The following GALNT18 variants were observed in gnomAD, a reference collection of about 807,000 sequenced individuals.
GALNT18 encodes GalNAc-transferase 18.
GALNT18 carries 44 observed loss-of-function variants against 69.5 expected under a neutral mutation model. That is an observed-to-expected ratio of 0.63 (90% CI 0.50 to 0.81). The LOEUF (loss-of-function observed/expected upper bound fraction) is 0.81, where lower values mean the gene tolerates loss of function less well. Ranked by LOEUF, GALNT18 falls within the 40% of genes least tolerant of loss-of-function variation. The pLI is 0.00. For synonymous variants in GALNT18, 364 were observed against 318.2 expected, an observed-to-expected ratio of 1.14 and a Z score of -1.53; for missense variants, 715 against 810.0, an observed-to-expected ratio of 0.88 and a Z score of 1.42.
chr11:11,559,493 T>A (rs753888865), intron 1 of GALNT18, among the ~76,000 whole-genome samples: 2 of 152,182 alleles, frequency 1.3e-5, no homozygotes, highest in Non-Finnish European at 2.9e-5. Flanking sequence ...TACAATCTCA[T>A]GAGTGTTTAA....
At chr11:11,565,565 C>T (rs1858628291) in intron 1 of GALNT18, among the ~76,000 whole-genome samples, 1 of 152,132 alleles carries the variant, frequency 6.6e-6, no homozygotes. Flanking sequence ...CAAGATGGTC[C>T]TAAGAATAGG....
At chr11:11,278,506 AGTAT>A (rs1848996611) in intron 10 of GALNT18, among the ~76,000 whole-genome samples, 1 of 151,912 alleles carries the variant, frequency 6.6e-6, no homozygotes, top group African/African-American at 2.4e-5. Flanking sequence ...CAGAACTTAT[AGTAT>A]AAAAAAAAAA....
At chr11:11,428,618 G>A (rs1326925403) in intron 3 of GALNT18, among the ~76,000 whole-genome samples, 1 of 152,184 alleles carries the variant, frequency 6.6e-6, no homozygotes, top group Non-Finnish European at 1.5e-5. Context: ...CTCCTCAGAG[G>A]CCCTGCTCCA....
chr11:11,535,474 G>A (rs1382528935), intron 1 of GALNT18, among the ~76,000 whole-genome samples: 1 of 152,304 alleles, frequency 6.6e-6, no homozygotes, highest in African/African-American at 2.4e-5. Flanking sequence ...ATTCTTTTCT[G>A]TGCTGCCCTT....
rs1266252925 is a variant in GALNT18, at chr11:11,389,854, G to A, written c.596-10590C>T. ...CTCCTGCCCTATGTGTGAGCACTCA[G>A]GAAGGTCCAGTGCCCTTAGCAGTTA... is the stretch of plus-strand genomic sequence containing the variant. On this transcript the variant is annotated intron_variant, in intron 3 of 10. Transcript: ENST00000227756. The surrounding 1 kb of genome is among the most constrained non-coding windows in gnomAD (Gnocchi z 4.3). 2.0e-5 allele frequency among the ~76,000 whole-genome samples: 3 copies of A among 152,290 alleles called. No homozygotes were observed. The East Asian group carries it at 5.8e-4, about 29-fold the overall frequency.
chr11:11,579,990 G>C (rs7103589), intron 1 of GALNT18, among the ~76,000 whole-genome samples: 5 of 152,204 alleles, frequency 3.3e-5, no homozygotes, highest in African/African-American at 1.2e-4. Context: ...TGGCTTCCTA[G>C]AGGATGAGAG....
rs1229719446 is a variant in GALNT18 at position 11,332,689 on chromosome 11, C to T, written c.1416+5G>A. 2.5e-6 allele frequency: 4 copies of T among 1,613,938 alleles called. No homozygotes were observed. The East Asian group carries it at 8.9e-5, about 36-fold the overall frequency. On this transcript the variant is annotated splice_donor_5th_base_variant and intron_variant, in intron 8 of 10. Coordinates refer to ENST00000227756, the MANE Select transcript of GALNT18 (RefSeq NM_198516.3). The surrounding 1 kb of genome is among the most constrained non-coding windows in gnomAD (Gnocchi z 4.3). ...AATGAAACCCGGAGGAGGCCAGCTC[C>T]TTACCACTCCATAGGCAATGATGTC...
intron 9 of GALNT18, among the ~76,000 whole-genome samples, chr11:11,304,527 A>G (rs543288018): frequency 5.7e-4 from 87 of 152,292 alleles, no homozygotes; most frequent in Non-Finnish European, 8.7e-4. Context: ...GAGGGTGCAT[A>G]TCCTATGCAC....
intron 1 of GALNT18, among the ~76,000 whole-genome samples, chr11:11,530,593 A>C (rs112285556): frequency 5.9e-5 from 9 of 152,304 alleles, no homozygotes; most frequent in Non-Finnish European, 1.0e-4. Flanking sequence ...AGGCAGGCAA[A>C]AGACTAAGGA....
At chr11:11,588,908 A>T (rs1859286513) in intron 1 of GALNT18, among the ~76,000 whole-genome samples, 1 of 152,186 alleles carries the variant, frequency 6.6e-6, no homozygotes, top group African/African-American at 2.4e-5. Flanking sequence ...ACTCTACTAA[A>T]AGGGCCTGTT....
At chr11:11,565,533 A>G (rs1053658832) in intron 1 of GALNT18, among the ~76,000 whole-genome samples, 2 of 152,224 alleles carry the variant, frequency 1.3e-5, no homozygotes, top group African/African-American at 4.8e-5. Flanking sequence ...GGAGCAGAAG[A>G]AAAAGGAGGC....
intron 1 of GALNT18, among the ~76,000 whole-genome samples, chr11:11,553,737 C>T (rs1386678247): frequency 6.6e-6 from 1 of 152,160 alleles, no homozygotes; most frequent in Admixed American, 6.5e-5. Flanking sequence ...ACCAGCTGCC[C>T]CCGGGAGCCC....
chr11:11,327,035 C>T, intron 9 of GALNT18, 51 bp downstream of exon 9: 1 of 1,319,738 alleles, frequency 7.6e-7, no homozygotes, highest in Non-Finnish European at 1.1e-6. Context: ...CTTCCCCATG[C>T]CAGGCACTCA....
At chr11:11,440,437 G>A (rs944569819) in intron 2 of GALNT18, among the ~76,000 whole-genome samples, 1 of 151,714 alleles carries the variant, frequency 6.6e-6, no homozygotes, top group African/African-American at 2.4e-5. Context: ...GGAAGGTGGG[G>A]CAGGGCAGAT....
chr11:11,495,475 G>T (rs1856851007), intron 1 of GALNT18, among the ~76,000 whole-genome samples: 3 of 152,080 alleles, frequency 2.0e-5, no homozygotes, highest in African/African-American at 7.2e-5. Flanking sequence ...CAGGGTTGTT[G>T]GTCCTCCAGA....
rs776719671 is a variant in GALNT18, at chr11:11,332,206, C to T, written c.1416+488G>A. ...TCAGGGAGAACTTCTCTGTGCCCAT[C>T]AACAAGCAGTACTAAAAATACAGCA... On this transcript the variant is annotated intron_variant, in intron 8 of 10. Transcript: ENST00000227756. This position sits in a 1 kb window ranked among gnomAD's most constrained non-coding sequence, Gnocchi z 4.3. Among the ~76,000 whole-genome samples, 13 of 152,204 alleles carry T rather than the reference C, an allele frequency of 8.5e-5. No individual in the cohort carries two copies. The highest frequency in any genetic ancestry group is 2.0e-4 in the Admixed American group (3 of 15,294).
At chr11:11,453,071 G>C (rs1005581196) in intron 1 of GALNT18, among the ~76,000 whole-genome samples, 1 of 152,168 alleles carries the variant, frequency 6.6e-6, no homozygotes, top group African/African-American at 2.4e-5. Context: ...TGGGTCCCAG[G>C]GAGAAATAGG....
intron 8 of GALNT18, among the ~76,000 whole-genome samples, chr11:11,329,044 C>T (rs1849975252): frequency 6.6e-6 from 1 of 151,954 alleles, no homozygotes; most frequent in African/African-American, 2.4e-5. Context: ...AAGCAACAGG[C>T]TGGGATGGAA....
rs570122949 is a variant in GALNT18, at chr11:11,461,077, G to A, written c.236-12141C>T. Among the ~76,000 whole-genome samples the A allele has an allele frequency of 9.9e-5, 15 of 152,262 alleles. No individual in the cohort carries two copies. The highest frequency in any genetic ancestry group is 7.7e-4 in the East Asian group (4 of 5,178). On this transcript the variant is annotated intron_variant, in intron 1 of 10. Coordinates refer to ENST00000227756, the MANE Select transcript of GALNT18 (RefSeq NM_198516.3). This position sits in a 1 kb window ranked among gnomAD's most constrained non-coding sequence, Gnocchi z 4.1. ...CAAAAGACCAGAGTCAGTTCAGTCC[G>A]GGCTGACATGGCAGACAAAGGACAG...
Sources: allele counts gnomAD v4.1 joint callset (sites outside exome capture counted in the v4.1 genomes callset), GRCh38; gene constraint gnomAD v4.1.1; non-coding constraint Gnocchi (gnomAD v3.1); transcripts MANE v1.5; gene names NCBI Gene and HGNC (gene_info 2026-07-23, HGNC 2026-07-21).